CLSTN2: variants seen among roughly 807,000 people sequenced by gnomAD.
The protein encoded by CLSTN2 is calsyntenin-2.
Under a neutral mutation model 101.2 loss-of-function variants are expected in CLSTN2, and 48 were observed. That is an observed-to-expected ratio of 0.47 (90% CI 0.38 to 0.60). The LOEUF (loss-of-function observed/expected upper bound fraction) is 0.60. Ranked by LOEUF, CLSTN2 falls within the 20% of genes least tolerant of loss-of-function variation. The pLI, the probability that CLSTN2 is intolerant of heterozygous loss-of-function variation, is 0.00. For missense variants in CLSTN2, 1,160 were observed against 1,238.2 expected (o/e 0.94, Z 0.95); for synonymous variants, 481 against 463.6 (o/e 1.04, Z -0.48).
intron 1 of CLSTN2, among the ~76,000 whole-genome samples, chr3:140,065,522 C>A (rs772783617): frequency 1.2e-4 from 19 of 152,214 alleles, no homozygotes; most frequent in Non-Finnish European, 1.9e-4. Context: ...AACTTCACAA[C>A]TTCAGGTAAT....
intron 8 of CLSTN2, among the ~76,000 whole-genome samples, chr3:140,492,244 A>T (rs1934367780): frequency 6.6e-6 from 1 of 152,222 alleles, no homozygotes; most frequent in Non-Finnish European, 1.5e-5. Context: ...ATAAATTGGT[A>T]CAGCCTCTTT....
At chr3:140,245,832 A>G (rs898697661) in intron 2 of CLSTN2, among the ~76,000 whole-genome samples, 1 of 152,252 alleles carries the variant, frequency 6.6e-6, no homozygotes, top group African/African-American at 2.4e-5. Flanking sequence ...GGCTTTGGAC[A>G]GTGGCTTTGC....
intron 1 of CLSTN2, among the ~76,000 whole-genome samples, chr3:139,944,564 C>T (rs1400266139): frequency 1.3e-5 from 2 of 152,260 alleles, no homozygotes; most frequent in Non-Finnish European, 2.9e-5. Flanking sequence ...GCTCCCATTG[C>T]CACCTGTCTC....
intron 6 of CLSTN2, chr3:140,454,331 C>T (rs1460424649): frequency 6.6e-6 from 1 of 152,196 alleles, no homozygotes; most frequent in African/African-American, 2.4e-5. Context: ...TGGCCAACCA[C>T]CCAGATGAAG....
chr3:139,972,243 G>A (rs1489093906), intron 1 of CLSTN2, among the ~76,000 whole-genome samples: 2 of 151,904 alleles, frequency 1.3e-5, no homozygotes, highest in Admixed American at 6.6e-5. Context: ...CAGCCTGGGC[G>A]ACAGAGTGGG....
rs1985571705 is a variant in CLSTN2, at chr3:140,572,097, T to A, written c.*5844T>A. The A allele has an allele frequency of 6.6e-6, 1 of 152,214 alleles. No individual in the cohort carries two copies. The highest frequency in any genetic ancestry group is 2.4e-5 in the African/African-American group (1 of 41,418). The allele number at this position is 152,214 out of a possible 1,614,324, so 9.4% of individuals were successfully genotyped here. On this transcript the variant is annotated 3_prime_UTR_variant, in exon 17 of 17. Transcript: ENST00000458420. ...GAGCTGTTGGGATGTCCCTTTGTGG[T>A]GTTGGAAGCTGTGCACGAGCAGTCA...
intron 5 of CLSTN2, among the ~76,000 whole-genome samples, chr3:140,424,351 T>G (rs1176341151): frequency 6.6e-6 from 1 of 152,238 alleles, no homozygotes; most frequent in Admixed American, 6.5e-5. Flanking sequence ...AAGGCCTTTC[T>G]AGCATTCCTG....
chr3:140,084,008 T>C (rs980153246), intron 1 of CLSTN2, among the ~76,000 whole-genome samples: 1 of 152,214 alleles, frequency 6.6e-6, no homozygotes, highest in East Asian at 1.9e-4. Context: ...GTAGGAGATA[T>C]TCTTTATTGC....
At chr3:140,549,295 C>A (rs1434445292) in intron 10 of CLSTN2, among the ~76,000 whole-genome samples, 18 of 150,136 alleles carry the variant, frequency 1.2e-4, no homozygotes. Flanking sequence ...AGAACCATAG[C>A]AATTTCTAGA....
chr3:139,975,719 A>G (rs2107820999), intron 1 of CLSTN2, among the ~76,000 whole-genome samples: 1 of 152,268 alleles, frequency 6.6e-6, no homozygotes, highest in East Asian at 1.9e-4. Context: ...GCTGACACAT[A>G]GTGGGACGCA....
chr3:140,049,391 A>G (rs2007943800), intron 1 of CLSTN2, among the ~76,000 whole-genome samples: 1 of 152,228 alleles, frequency 6.6e-6, no homozygotes, highest in Non-Finnish European at 1.5e-5. Flanking sequence ...TAAATCACCA[A>G]TTATAATCTT....
At chr3:140,065,763 TAAATGGTGCTGTTGGC>T (rs2008288663) in intron 1 of CLSTN2, among the ~76,000 whole-genome samples, 1 of 152,200 alleles carries the variant, frequency 6.6e-6, no homozygotes, top group Non-Finnish European at 1.5e-5. Flanking sequence ...TTCATTTGTT[TAAATGGTGCTGTTGGC>T]AAATACAGCC....
intron 8 of CLSTN2, among the ~76,000 whole-genome samples, chr3:140,487,568 A>G (rs1934263958): frequency 6.6e-6 from 1 of 152,180 alleles, no homozygotes; most frequent in Non-Finnish European, 1.5e-5. Context: ...CCTATGCTAG[A>G]CCCCATGGCT....
chr3:140,435,907 C>T (rs1448937001), intron 5 of CLSTN2, among the ~76,000 whole-genome samples: 1 of 152,124 alleles, frequency 6.6e-6, no homozygotes, highest in Admixed American at 6.6e-5. Context: ...GCCTATCCTT[C>T]GATCGAATTC....
At chr3:140,510,387 A>G (rs1934783676) in intron 8 of CLSTN2, among the ~76,000 whole-genome samples, 1 of 152,240 alleles carries the variant, frequency 6.6e-6, no homozygotes, top group African/African-American at 2.4e-5. Context: ...CAAAAGTCGC[A>G]GCACGGTGCT....
chr3:140,550,615 A>G (rs1297814829), intron 10 of CLSTN2, among the ~76,000 whole-genome samples: 5 of 152,272 alleles, frequency 3.3e-5, no homozygotes, highest in African/African-American at 9.6e-5. Context: ...AGGCAGGCAC[A>G]GTTTCAGGGT....
intron 1 of CLSTN2, among the ~76,000 whole-genome samples, chr3:140,149,241 A>C (rs2350509): frequency 0.87 from 132,515 of 151,736 alleles, 58,052 homozygotes; most frequent in African/African-American, 0.93. Flanking sequence ...ATCTACTCCT[A>C]CAGGGGTGTC....
At chr3:140,322,270 C>A (rs1278164800) in intron 2 of CLSTN2, among the ~76,000 whole-genome samples, 3 of 152,190 alleles carry the variant, frequency 2.0e-5, no homozygotes, top group African/African-American at 7.2e-5. Flanking sequence ...AGATGGAAAC[C>A]AACACAGAGT....
At chr3:140,147,541 G>T (rs925424528) in intron 1 of CLSTN2, among the ~76,000 whole-genome samples, 3 of 152,192 alleles carry the variant, frequency 2.0e-5, no homozygotes, top group African/African-American at 7.2e-5. Flanking sequence ...GGGCAGAGAG[G>T]AGAGTGAGGA....
Sources: allele counts gnomAD v4.1 joint callset (sites outside exome capture counted in the v4.1 genomes callset), GRCh38; gene constraint gnomAD v4.1.1; transcripts MANE v1.5; gene names NCBI Gene and HGNC (gene_info 2026-07-23, HGNC 2026-07-21).